Variants in TLK1 observed in about 807,000 individuals in gnomAD.
The protein encoded by TLK1 is tousled like kinase 1.
TLK1 carries 24 observed loss-of-function variants against 105.3 expected under a neutral mutation model. The observed-to-expected ratio is 0.23, with a 90% CI of 0.17 to 0.32. The LOEUF (loss-of-function observed/expected upper bound fraction) is 0.32, where lower values mean the gene tolerates loss of function less well. Ranked by LOEUF, TLK1 falls within the 10% of genes least tolerant of loss-of-function variation. TLK1 has a pLI of 1.00. For synonymous variants in TLK1, 321 were observed against 310.4 expected (o/e 1.03, Z -0.36); for missense variants, 558 against 910.5 (o/e 0.61, Z 4.98).
intron 12 of TLK1, among the ~76,000 whole-genome samples, chr2:171,024,050 T>G (rs2676142): frequency 0.04 from 6,055 of 152,252 alleles, 419 homozygotes; most frequent in African/African-American, 0.14. Context: ...AATTAACAAC[T>G]TTTTAAAGAT....
intron 2 of TLK1, among the ~76,000 whole-genome samples, chr2:171,115,577 T>A (rs565835153): frequency 8.5e-5 from 13 of 152,236 alleles, no homozygotes; most frequent in African/African-American, 3.1e-4. Context: ...CCACCCACGA[T>A]GGCCAAGAGA....
At chr2:170,994,737 C>T (rs758001762) in intron 20 of TLK1, 1 of 516,088 alleles carries the variant, frequency 1.9e-6, no homozygotes, top group Non-Finnish European at 3.9e-6. Flanking sequence ...ATCTTGACTT[C>T]TAAAACCATA....
chr2:171,218,304 A>C (rs926742555), intron 1 of TLK1, among the ~76,000 whole-genome samples: 1 of 152,096 alleles, frequency 6.6e-6, no homozygotes, highest in Non-Finnish European at 1.5e-5. Flanking sequence ...AACAAAAAAA[A>C]AACAGAGTAG....
rs571890429 is a variant in TLK1, at chr2:171,103,264, TTATA to T, written c.258+14471_258+14474del. 3.7e-3 allele frequency among the ~76,000 whole-genome samples: 509 copies of T among 136,524 alleles called. 28 individuals are homozygous for T. The highest frequency in any genetic ancestry group is 0.015 in the African/African-American group (478 of 32,550). 89.6% of individuals were successfully genotyped at this position (136,524 alleles called of 152,430 possible). A position where few individuals can be genotyped will look rare whatever the true frequency, so the allele number is the denominator to read the frequency against. On this transcript the variant is annotated intron_variant, in intron 2 of 20. Transcript: ENST00000431350. ...GTTAAGAAAAAAATTGATCTCAAAT[TTATA>T]TATATATATATATAATTTTTTTTGA...
intron 1 of TLK1, among the ~76,000 whole-genome samples, chr2:171,145,272 C>T (rs576342654): frequency 2.0e-5 from 3 of 151,714 alleles, no homozygotes; most frequent in Non-Finnish European, 4.4e-5. Context: ...CGCACCACTG[C>T]GACAGAGCAA....
In TLK1 at chr2:170,992,806, A is replaced by G. The variant is rs530861825; in HGVS notation, c.*974T>C. On this transcript the variant is annotated 3_prime_UTR_variant, in exon 21 of 21. Coordinates refer to ENST00000431350, the MANE Select transcript of TLK1 (RefSeq NM_012290.5). ...TTCAAGAAGACTTAAAAAAAATACA[A>G]TATCCAATTAGAAAAGCCATATTTT... The G allele has an allele frequency of 2.0e-4, 31 of 152,752 alleles. No individual in the cohort carries two copies. The highest frequency in any genetic ancestry group is 6.7e-4 in the African/African-American group (28 of 41,588). The allele number at this position is 152,752 out of a possible 1,614,324, so 9.5% of individuals were successfully genotyped here.
Position 171,067,790 on chromosome 2 carries a change from T to C in TLK1, c.331-6634A>G, listed in dbSNP as rs114414263. Among the ~76,000 whole-genome samples, 1,117 of 152,060 alleles carry C rather than the reference T, an allele frequency of 7.3e-3. 17 individuals are homozygous for C. Among genetic ancestry groups the C allele is most frequent in the African/African-American group, 0.025 (1,041 of 41,444 alleles). On this transcript the variant is annotated intron_variant, in intron 3 of 20. Transcript: ENST00000431350. ...CCCCACCTCAAAACAGGCCCTGTTA[T>C]GTGAAGTCCCCCCAACCGCCCTGCC...
intron 2 of TLK1, among the ~76,000 whole-genome samples, chr2:171,117,010 T>A (rs1242147626): frequency 6.6e-6 from 1 of 152,148 alleles, no homozygotes; most frequent in Admixed American, 6.5e-5. Flanking sequence ...CAGTTTGAGG[T>A]AGACAATCTG....
chr2:171,157,005 CA>C, intron 1 of TLK1, among the ~76,000 whole-genome samples: 1 of 152,104 alleles, frequency 6.6e-6, no homozygotes, highest in Non-Finnish European at 1.5e-5. Flanking sequence ...AGGGTTTCAC[CA>C]TGTTGTCCAG....
At chr2:171,135,468 G>A (rs1691275768) in intron 1 of TLK1, among the ~76,000 whole-genome samples, 1 of 151,808 alleles carries the variant, frequency 6.6e-6, no homozygotes, top group Non-Finnish European at 1.5e-5. Context: ...AGGAGTTTGG[G>A]GCCAGCCTGG....
intron 2 of TLK1, among the ~76,000 whole-genome samples, chr2:171,116,578 T>C (rs1383541213): frequency 6.6e-6 from 1 of 151,882 alleles, no homozygotes; most frequent in Non-Finnish European, 1.5e-5. Context: ...TGAGCACCTG[T>C]AATCCCAGCT....
chr2:171,097,956 G>A lies in TLK1; in HGVS notation c.259-15104C>T, dbSNP rs556316089. Among the ~76,000 whole-genome samples the A allele has an allele frequency of 2.6e-5, 4 of 151,938 alleles. No individual in the cohort carries two copies. The East Asian group carries it at 7.8e-4, about 29-fold the overall frequency. ...AAAGGAAGGGAAAGGGGAAAGGGGT[G>A]GGGCGGGGAGAGAGAGGGAGAGAGA... On this transcript the variant is annotated intron_variant, in intron 2 of 20. Coordinates refer to ENST00000431350, the MANE Select transcript of TLK1 (RefSeq NM_012290.5).
At chr2:171,227,568 C>CTTATTTTTTT (rs1693921283) in intron 1 of TLK1, among the ~76,000 whole-genome samples, 1 of 55,500 alleles carries the variant, frequency 1.8e-5, no homozygotes, top group Non-Finnish European at 3.3e-5. Flanking sequence ...AGTAAATCTC[C>CTTATTTTTTT]TTTTTTTTTT....
chr2:170,990,981 T>C lies in TLK1; in HGVS notation c.*2799A>G, dbSNP rs1193395612. 2 of 151,664 alleles carry C rather than the reference T, an allele frequency of 1.3e-5. No homozygotes were observed. The highest frequency in any genetic ancestry group is 4.8e-5 in the African/African-American group (2 of 41,244). The allele number at this position is 151,664 out of a possible 1,614,324, so 9.4% of individuals were successfully genotyped here. On this transcript the variant is annotated 3_prime_UTR_variant, in exon 21 of 21. Coordinates refer to ENST00000431350, the MANE Select transcript of TLK1 (RefSeq NM_012290.5). ...GCCATTTAAACTGACAGAGTTGTTT[T>C]AGAAGGAGATGGTAGTGAGTGTTTA...
chr2:171,071,970 T>C (rs1284259665), intron 3 of TLK1, among the ~76,000 whole-genome samples: 1 of 152,250 alleles, frequency 6.6e-6, no homozygotes, highest in African/African-American at 2.4e-5. Flanking sequence ...TCTGTTTTTA[T>C]GCCAGTACAA....
chr2:171,051,446 T>C (rs150139190), intron 8 of TLK1, among the ~76,000 whole-genome samples: 171 of 152,176 alleles, frequency 1.1e-3, no homozygotes, highest in African/African-American at 3.9e-3. Context: ...GCACACAGAA[T>C]TGTGCTTTGT....
chr2:171,178,272 T>C (rs1692868870), intron 1 of TLK1, among the ~76,000 whole-genome samples: 1 of 152,196 alleles, frequency 6.6e-6, no homozygotes. Context: ...GTCACGCAGA[T>C]ATCAAGGGAA....
intron 10 of TLK1, among the ~76,000 whole-genome samples, chr2:171,046,645 T>C (rs1686975333): frequency 1.3e-5 from 2 of 152,158 alleles, no homozygotes; most frequent in African/African-American, 4.8e-5. Context: ...ATAAATATTA[T>C]TCCTATAGAT....
At chr2:171,194,344 A>T (rs1693218961) in intron 1 of TLK1, among the ~76,000 whole-genome samples, 1 of 152,202 alleles carries the variant, frequency 6.6e-6, no homozygotes, top group Admixed American at 6.5e-5. Context: ...AAATTGACTG[A>T]AGAAGAGAGG....
Sources: gnomAD v4.1 joint callset for allele counts (sites outside exome capture counted in the v4.1 genomes callset) on GRCh38, gnomAD v4.1.1 for gene constraint, MANE v1.5 for transcripts, NCBI Gene and HGNC (gene_info 2026-07-23, HGNC 2026-07-21) for gene names.